Variants in NAALADL2 observed in about 807,000 individuals in gnomAD.
NAALADL2 encodes the protein N-acetylated alpha-linked acidic dipeptidase like 2.
Under a neutral mutation model 87.2 loss-of-function variants are expected in NAALADL2, and 76 were observed. The ratio of observed to expected loss-of-function variants is 0.87; its 90% CI spans 0.72 to 1.05. NAALADL2 has a LOEUF of 1.05. Ranked by LOEUF, NAALADL2 falls within the 50% of genes least tolerant of loss-of-function variation. NAALADL2 has a pLI of 0.00. For missense variants in NAALADL2, 1,089 were observed against 945.8 expected (o/e 1.15, Z -1.99); for synonymous variants, 354 against 331.0 (o/e 1.07, Z -0.75).
intron 9 of NAALADL2, among the ~76,000 whole-genome samples, chr3:175,520,658 T>C (rs748627942): frequency 8.5e-5 from 13 of 152,182 alleles, no homozygotes; most frequent in Non-Finnish European, 1.6e-4. Flanking sequence ...AGTGAATGCA[T>C]CTGAAATTGC....
Position 174,725,650 on chromosome 3 carries a change from A to G in NAALADL2, c.-114-11991A>G, listed in dbSNP as rs76786064. Among the ~76,000 whole-genome samples, 941 of 152,326 alleles carry G rather than the reference A, an allele frequency of 6.2e-3. 6 individuals carry two copies. The highest frequency in any genetic ancestry group is 0.022 in the African/African-American group (894 of 41,576). On this transcript the variant is annotated intron_variant, in intron 2 of 3. Transcript: ENST00000434257. ...TTGCAAAATTACTTTTGTTAAAGTT[A>G]GCAATCATCCAAATTTCTAGAGAAC...
At chr3:175,119,964 G>A (rs1483336806) in intron 2 of NAALADL2, among the ~76,000 whole-genome samples, 2 of 150,276 alleles carry the variant, frequency 1.3e-5, no homozygotes, top group Non-Finnish European at 3.0e-5. Context: ...AGGGTGAGAG[G>A]GGAAAGGCCG....
At chr3:175,585,620 G>T (rs1720435019) in intron 10 of NAALADL2, among the ~76,000 whole-genome samples, 1 of 151,926 alleles carries the variant, frequency 6.6e-6, no homozygotes, top group Non-Finnish European at 1.5e-5. Flanking sequence ...TAGATTCTAT[G>T]CATCCAAAAG....
intron 3 of NAALADL2, among the ~76,000 whole-genome samples, chr3:175,240,195 A>G (rs977354749): frequency 2.6e-5 from 4 of 152,172 alleles, no homozygotes; most frequent in African/African-American, 4.8e-5. Flanking sequence ...TTACAAATGA[A>G]ATGTTTTATT....
intron 1 of NAALADL2, among the ~76,000 whole-genome samples, chr3:175,037,567 T>C (rs1448142158): frequency 2.6e-5 from 4 of 152,054 alleles, no homozygotes; most frequent in African/African-American, 9.7e-5. Flanking sequence ...ATGTACAAGG[T>C]TACCAGAGCT....
At chr3:175,690,326 A>T in intron 11 of NAALADL2, among the ~76,000 whole-genome samples, 1 of 149,694 alleles carries the variant, frequency 6.7e-6, no homozygotes, top group African/African-American at 2.4e-5. Context: ...CACATCTGTT[A>T]AGAGAGGAGA....
At position 175,177,830 on chromosome 3, in the gene NAALADL2, G is replaced by C. The variant is rs865827984; in HGVS notation, c.546-56101G>C. ...GTGAGGTGATTTGCCCAGTGAGGTA[G>C]GGTACAGTGTGTGTGTATGTGTGTG... On this transcript the variant is annotated intron_variant, in intron 2 of 13. Transcript: ENST00000454872. Among the ~76,000 whole-genome samples the C allele has an allele frequency of 6.1e-4, 70 of 114,372 alleles. 1 individual carries two copies. The highest frequency in any genetic ancestry group is 1.7e-4 in the Non-Finnish European group (9 of 51,488). 75.0% of individuals were successfully genotyped at this position (114,372 alleles called of 152,430 possible).
rs567031321 is a variant in NAALADL2 at position 175,012,864 on chromosome 3, T to C, written c.44-83926T>C. Among the ~76,000 whole-genome samples, 8 of 151,346 alleles carry C rather than the reference T, an allele frequency of 5.3e-5. No homozygotes were observed. The South Asian group carries it at 1.7e-3, about 31-fold the overall frequency. Reference sequence around the variant, plus strand: ...GAAAATCGGTTTTCATTTAAACATATTTGTATAATCTCCAACATTTCAGAA... The same window carrying C: ...GAAAATCGGTTTTCATTTAAACATACTTGTATAATCTCCAACATTTCAGAA... On this transcript the variant is annotated intron_variant, in intron 1 of 13. Transcript: ENST00000454872.
chr3:175,760,034 G>GA (rs1747798474), intron 13 of NAALADL2, among the ~76,000 whole-genome samples: 1 of 152,136 alleles, frequency 6.6e-6, no homozygotes, highest in Admixed American at 6.5e-5. Flanking sequence ...ATGGGAGTAG[G>GA]AAAGGCACGG....
chr3:175,050,358 G>A (rs932077133), intron 1 of NAALADL2, among the ~76,000 whole-genome samples: 3 of 152,050 alleles, frequency 2.0e-5, no homozygotes, highest in Middle Eastern at 3.4e-3. Flanking sequence ...TGCCTCCTGG[G>A]TTCAAACAGT....
chr3:174,494,272 G>GT, intron 1 of NAALADL2, among the ~76,000 whole-genome samples: 1 of 152,246 alleles, frequency 6.6e-6, no homozygotes, highest in East Asian at 1.9e-4. Context: ...TCACTGACAG[G>GT]TTTTAAGCAG....
chr3:174,454,429 A>T (rs11917627), intron 1 of NAALADL2, among the ~76,000 whole-genome samples: 41,495 of 152,016 alleles, frequency 0.27, 6,071 homozygotes, highest in South Asian at 0.45. Flanking sequence ...GGAAAAACAG[A>T]ATATACATTC....
intron 2 of NAALADL2, among the ~76,000 whole-genome samples, chr3:175,149,884 T>G (rs141090137): frequency 1.3e-5 from 2 of 152,132 alleles, no homozygotes; most frequent in Admixed American, 6.6e-5. Flanking sequence ...AGACAAAGAC[T>G]CTTGGAAGCG....
At position 175,637,437 on chromosome 3, in the gene NAALADL2, T is replaced by C. The variant is rs181815113; in HGVS notation, c.1896+10051T>C. Among the ~76,000 whole-genome samples, 21 of 152,340 alleles carry C rather than the reference T, an allele frequency of 1.4e-4. No homozygotes were observed. The East Asian group carries it at 1.9e-3, about 14-fold the overall frequency. On this transcript the variant is annotated intron_variant, in intron 11 of 13. Coordinates refer to ENST00000454872, the MANE Select transcript of NAALADL2 (RefSeq NM_207015.3). Reference sequence around the variant, plus strand: ...GACTCCTACAAACCTCATGTTGAAATTGATGCCCAGTGTTGGAGGTGTGGC... The same window carrying C: ...GACTCCTACAAACCTCATGTTGAAACTGATGCCCAGTGTTGGAGGTGTGGC...
chr3:174,558,943 A>G (rs1354718677), intron 2 of NAALADL2, among the ~76,000 whole-genome samples: 1 of 152,176 alleles, frequency 6.6e-6, no homozygotes, highest in Non-Finnish European at 1.5e-5. Flanking sequence ...GACATAAAAT[A>G]GAGTTGCCTT....
rs142964469 is a variant in NAALADL2 at position 174,620,139 on chromosome 3, G to A, written c.-115+69502G>A. The stretch of plus-strand genomic sequence containing the variant: ...TTAATCTCCTTGGTCATTTATTCAT[G>A]GCCATCCTCTTTCATTTGGAAAATA... On this transcript the variant is annotated intron_variant, in intron 2 of 3. Transcript: ENST00000434257. Among the ~76,000 whole-genome samples, 375 of 152,060 alleles carry A rather than the reference G, an allele frequency of 2.5e-3. 2 individuals are homozygous for A. The highest frequency in any genetic ancestry group is 8.6e-3 in the African/African-American group (357 of 41,524).
At chr3:174,454,407 A>G (rs778520652) in intron 1 of NAALADL2, among the ~76,000 whole-genome samples, 14 of 152,084 alleles carry the variant, frequency 9.2e-5, no homozygotes, top group Non-Finnish European at 1.6e-4. Flanking sequence ...CATCTACAGA[A>G]CTCTCCACGC....
At chr3:174,796,003 G>A (rs529688613) in intron 3 of NAALADL2, among the ~76,000 whole-genome samples, 1 of 152,136 alleles carries the variant, frequency 6.6e-6, no homozygotes, top group Non-Finnish European at 1.5e-5. Context: ...CTCTGAATGT[G>A]AATTATTTAG....
intron 13 of NAALADL2, among the ~76,000 whole-genome samples, chr3:175,796,576 TCTC>T (rs551682615): frequency 1.0e-3 from 153 of 152,326 alleles, no homozygotes; most frequent in African/African-American, 3.5e-3. Flanking sequence ...AGTAAAATAA[TCTC>T]CTCTAATGTT....
Sources: gnomAD v4.1 joint callset for allele counts (sites outside exome capture counted in the v4.1 genomes callset) on GRCh38, gnomAD v4.1.1 for gene constraint, MANE v1.5 for transcripts, NCBI Gene and HGNC (gene_info 2026-07-23, HGNC 2026-07-21) for gene names.